Variants in CSDE1 observed in about 807,000 individuals in gnomAD.
The protein encoded by CSDE1 is cold shock domain-containing protein E1.
In CSDE1, 17 loss-of-function variants were observed where a neutral mutation model predicts 89.3. The observed-to-expected ratio is 0.19, with a 90% confidence interval of 0.13 to 0.29. The LOEUF is 0.29. Ranked by LOEUF, CSDE1 falls within the 10% of genes least tolerant of loss-of-function variation. The pLI is 1.00. For missense variants in CSDE1, 672 were observed against 984.2 expected (o/e 0.68, Z 4.24); for synonymous variants, 322 against 332.8 (o/e 0.97, Z 0.35).
At chr1:114,741,900 G>GA (rs1346221967) in intron 2 of CSDE1, among the ~76,000 whole-genome samples, 1 of 152,276 alleles carries the variant, frequency 6.6e-6, no homozygotes, top group East Asian at 1.9e-4. Context: ...AAAGACTCTT[G>GA]ATGGTTGTTG....
Position 114,718,648 on chromosome 1 carries a change from C to A in CSDE1, c.2314G>T (p.Val772Phe). 1 of 1,614,168 alleles carries A rather than the reference C, an allele frequency of 6.2e-7. No individual in the cohort carries two copies. Among genetic ancestry groups the A allele is most frequent in the Non-Finnish European group, 8.5e-7 (1 of 1,180,018 alleles). The change falls in exon 19 of 20, where the codon GTT becomes TTT. Residue 772 changes from valine (V) to phenylalanine (F), a missense_variant. Val to Phe is a conservative substitution (Grantham distance 50, BLOSUM62 -1). This residue lies in a region of CSDE1 where 206 missense variants were observed against 332.4 expected (regional missense o/e 0.62). Transcript: ENST00000358528. Reference sequence around the variant, plus strand: ...TCTGGTCCCCTTGGCTGACGAAGAACCATTAGGCGAGGAGCACTGGCATCA... The same window carrying A: ...TCTGGTCCCCTTGGCTGACGAAGAAACATTAGGCGAGGAGCACTGGCATCA... ...LDDASAPRLM[V>F]LRQPRGPDNS...
chr1:114,722,312 A>G (rs565222881), intron 16 of CSDE1, among the ~76,000 whole-genome samples: 1 of 152,360 alleles, frequency 6.6e-6, no homozygotes, highest in South Asian at 2.1e-4. Context: ...ATTACCATTT[A>G]TGATGCACAT....
intron 2 of CSDE1, 91 bp from the exon 3 acceptor site, chr1:114,739,981 T>C (rs1165653915): frequency 6.4e-6 from 7 of 1,101,710 alleles, no homozygotes; most frequent in African/African-American, 1.6e-5. Context: ...ATCTTCCATA[T>C]AAAAACGCAA....
chr1:114,743,395 T>C (rs1462469000), intron 2 of CSDE1, among the ~76,000 whole-genome samples: 1 of 152,210 alleles, frequency 6.6e-6, no homozygotes, highest in South Asian at 2.1e-4. Flanking sequence ...TTTCACCATG[T>C]TGACCAGGCT....
chr1:114,743,870 G>A (rs1001240581), intron 2 of CSDE1, among the ~76,000 whole-genome samples: 1 of 152,186 alleles, frequency 6.6e-6, no homozygotes, highest in Non-Finnish European at 1.5e-5. Flanking sequence ...TATCCATTTG[G>A]AGGAAGCCTT....
At chr1:114,734,381 T>C in intron 7 of CSDE1, 61 bp downstream of exon 7, 1 of 1,409,522 alleles carries the variant, frequency 7.1e-7, no homozygotes, top group Non-Finnish European at 9.8e-7. Context: ...AAGGCTGGAG[T>C]TTGAAGTACA....
chr1:114,736,689 T>G, intron 6 of CSDE1, 69 bp downstream of exon 6: 2 of 927,534 alleles, frequency 2.2e-6, no homozygotes, highest in South Asian at 1.5e-5. Context: ...TTAACTCTAT[T>G]CAAATTTCTT....
chr1:114,748,006 A>C (rs76288944), intron 2 of CSDE1, among the ~76,000 whole-genome samples: 4,007 of 152,352 alleles, frequency 0.026, 93 homozygotes, highest in Non-Finnish European at 0.034. Flanking sequence ...GGTAAGAAGA[A>C]ACAAATAGAA....
At chr1:114,753,015 T>C (rs1350636128) in intron 1 of CSDE1, among the ~76,000 whole-genome samples, 2 of 152,142 alleles carry the variant, frequency 1.3e-5, no homozygotes, top group African/African-American at 4.8e-5. Context: ...TGTAAACAGT[T>C]ATGCCACAAT....
intron 2 of CSDE1, among the ~76,000 whole-genome samples, chr1:114,744,764 G>C (rs1053086683): frequency 6.6e-6 from 1 of 152,038 alleles, no homozygotes; most frequent in Non-Finnish European, 1.5e-5. Context: ...CTCAAACCTG[G>C]GGGAAAAGTG....
intron 16 of CSDE1, among the ~76,000 whole-genome samples, chr1:114,722,421 T>C (rs1342795974): frequency 6.6e-6 from 1 of 152,216 alleles, no homozygotes. Context: ...TTGTCCAAGA[T>C]TATATGCTAG....
chr1:114,719,148 C>CA (rs1303238126), intron 18 of CSDE1, among the ~76,000 whole-genome samples: 1 of 152,104 alleles, frequency 6.6e-6, no homozygotes, highest in Admixed American at 6.6e-5. Context: ...CATGTCTCTA[C>CA]AAAAAATAAA....
intron 6 of CSDE1, among the ~76,000 whole-genome samples, chr1:114,736,161 A>G (rs929010573): frequency 3.9e-5 from 6 of 152,120 alleles, no homozygotes; most frequent in African/African-American, 9.7e-5. Context: ...TATCTTCTCA[A>G]TATGACTTGA....
rs150120741 is a variant in CSDE1 at position 114,727,053 on chromosome 1, C to G, written c.1394G>C (p.Gly465Ala). The G allele has an allele frequency of 1.9e-6, 3 of 1,613,748 alleles. No individual in the cohort carries two copies. The highest frequency in any genetic ancestry group is 2.5e-6 in the Non-Finnish European group (3 of 1,179,768). Residue 465 changes from glycine (G) to alanine (A), a missense_variant, in exon 13 of 20, where the codon GGG (glycine) becomes GCG (alanine). Around this residue, in one of 8 missense-constraint regions of CSDE1, gnomAD observed 108 missense variants for 105.0 expected, o/e 1.03. Coordinates refer to ENST00000358528, the MANE Select transcript of CSDE1 (RefSeq NM_001007553.3). ...EDGIIAYDDC[G>A]VKLTIAFQAK... is the part of the protein sequence containing the mutation. ...TTGAAAAGCAATAGTCAGTTTCACCCCACAGTCATCATAAGCAATAATGCC... is the reference window on the plus strand; with the variant it reads ...TTGAAAAGCAATAGTCAGTTTCACCGCACAGTCATCATAAGCAATAATGCC...
Position 114,718,781 on chromosome 1 carries a change from TTGG to T in CSDE1, c.2217-39_2217-37del, listed in dbSNP as rs761944361. 26 of 1,607,036 alleles carry T rather than the reference TTGG, an allele frequency of 1.6e-5. No homozygotes were observed. In the South Asian group the frequency reaches 2.7e-4, roughly 16 times the overall value. ...GTCAAAAGATGAGAAGAAACCACAC[TTGG>T]TGGGCAGACAGCAAGCACTTGCAAA... On this transcript the variant is annotated intron_variant, in intron 18 of 19. Coordinates refer to ENST00000358528, the MANE Select transcript of CSDE1 (RefSeq NM_001007553.3).
intron 5 of CSDE1, 78 bp from the exon 6 acceptor site, chr1:114,736,933 C>T: frequency 8.9e-7 from 1 of 1,121,438 alleles, no homozygotes; most frequent in Non-Finnish European, 1.3e-6. Context: ...TACTTAAAAA[C>T]CTCTTATACT....
chr1:114,741,125 T>C (rs1396508817), intron 2 of CSDE1, among the ~76,000 whole-genome samples: 2 of 152,212 alleles, frequency 1.3e-5, no homozygotes, highest in African/African-American at 2.4e-5. Context: ...AAGAAAGTAT[T>C]GTATTCGCCT....
chr1:114,742,072 T>G (rs955431384), intron 2 of CSDE1, among the ~76,000 whole-genome samples: 12 of 152,168 alleles, frequency 7.9e-5, no homozygotes, highest in African/African-American at 2.7e-4. Context: ...AAAATGAGCT[T>G]TTATAAATAT....
chr1:114,734,892 A>G (rs997125418), intron 6 of CSDE1, among the ~76,000 whole-genome samples: 8 of 152,234 alleles, frequency 5.3e-5, no homozygotes, highest in Non-Finnish European at 8.8e-5. Context: ...GGGGAATACT[A>G]AAGTCTTATA....
Sources: gnomAD v4.1 joint callset for allele counts (sites outside exome capture counted in the v4.1 genomes callset) on GRCh38, gnomAD v4.1.1 for gene constraint, gnomAD v4.1.1 regional missense constraint, MANE v1.5 for transcripts, NCBI Gene and HGNC (gene_info 2026-07-23, HGNC 2026-07-21) for gene names.